The following CSMD1 variants were observed in gnomAD, a reference collection of about 807,000 sequenced individuals.
CSMD1 encodes CUB and sushi domain-containing protein 1.
A neutral mutation model predicts 417.5 loss-of-function variants in CSMD1; 213 were observed. The ratio of observed to expected loss-of-function variants is 0.51; its 90% CI spans 0.46 to 0.57. CSMD1 has a LOEUF of 0.57. Among genes scored for constraint, CSMD1 ranks in the 20% least tolerant of loss-of-function variants. The pLI, the probability that CSMD1 is intolerant of heterozygous loss-of-function variation, is 0.00. For missense variants in CSMD1, 6,923 were observed against 4,529.7 expected (o/e 1.53, Z -15.17); for synonymous variants, 2,862 against 1,736.8 (o/e 1.65, Z -16.11).
chr8:3,450,782 C>T (rs1815654438), intron 12 of CSMD1, among the ~76,000 whole-genome samples: 1 of 151,956 alleles, frequency 6.6e-6, no homozygotes, highest in Non-Finnish European at 1.5e-5. Context: ...CATACGTGTG[C>T]ATGTGTCTTT....
intron 5 of CSMD1, among the ~76,000 whole-genome samples, chr8:3,954,730 C>T (rs1001972139): frequency 2.0e-5 from 3 of 152,232 alleles, no homozygotes; most frequent in African/African-American, 4.8e-5. Context: ...TGCCCGCATG[C>T]GCAGAGCCCT....
intron 1 of CSMD1, among the ~76,000 whole-genome samples, chr8:4,860,803 C>T (rs1802085784): frequency 6.6e-6 from 1 of 152,090 alleles, no homozygotes; most frequent in African/African-American, 2.4e-5. Flanking sequence ...ATTGCAACTT[C>T]CTGTAATCAT....
chr8:3,390,157 C>T (rs1171214367), intron 17 of CSMD1, among the ~76,000 whole-genome samples: 3 of 151,860 alleles, frequency 2.0e-5, no homozygotes, highest in African/African-American at 2.4e-5. Context: ...GAGTTTGAGA[C>T]CAGCCTGGCC....
chr8:3,238,329 C>A (rs1372167234), intron 26 of CSMD1, among the ~76,000 whole-genome samples: 1 of 152,024 alleles, frequency 6.6e-6, no homozygotes, highest in Non-Finnish European at 1.5e-5. Context: ...TCAGTTAAGG[C>A]AGGAACTGGC....
intron 1 of CSMD1, among the ~76,000 whole-genome samples, chr8:4,823,983 G>GAC (rs1164932575): frequency 6.6e-6 from 1 of 151,216 alleles, no homozygotes; most frequent in African/African-American, 2.4e-5. Context: ...CCCACGCATG[G>GAC]ACACACACAT....
At chr8:3,447,155 G>C (rs1439964857) in intron 12 of CSMD1, among the ~76,000 whole-genome samples, 1 of 152,088 alleles carries the variant, frequency 6.6e-6, no homozygotes, top group Non-Finnish European at 1.5e-5. Flanking sequence ...AAGAGCCACG[G>C]GCACTGATGA....
intron 2 of CSMD1, among the ~76,000 whole-genome samples, 185 bp from the exon 3 acceptor site, chr8:4,420,250 A>G (rs761495760): frequency 2.0e-5 from 3 of 152,210 alleles, no homozygotes; most frequent in Non-Finnish European, 4.4e-5. Flanking sequence ...ATTTTCAAGT[A>G]TGAGAATATG....
chr8:4,552,320 T>C (rs116987077), intron 2 of CSMD1, among the ~76,000 whole-genome samples: 1,935 of 152,136 alleles, frequency 0.013, 25 homozygotes, highest in Non-Finnish European at 0.021. Flanking sequence ...ATCCCTACAC[T>C]CAAATCTCAC....
At chr8:3,612,302 T>A (rs7009344) in intron 8 of CSMD1, among the ~76,000 whole-genome samples, 34,772 of 151,994 alleles carry the variant, frequency 0.23, 4,174 homozygotes, top group Admixed American at 0.27. Flanking sequence ...TCAAAATACA[T>A]GAAGCAAAAA....
chr8:4,333,060 C>T (rs1005214256), intron 3 of CSMD1, among the ~76,000 whole-genome samples: 7 of 151,894 alleles, frequency 4.6e-5, no homozygotes, highest in African/African-American at 9.7e-5. Flanking sequence ...ATGTCAAGAG[C>T]GTTTCATAGA....
intron 5 of CSMD1, among the ~76,000 whole-genome samples, chr8:3,879,429 G>A (rs530279223): frequency 6.6e-4 from 101 of 152,252 alleles, no homozygotes; most frequent in Non-Finnish European, 2.4e-4. Context: ...AAATGAATCA[G>A]TCCGGTCATT....
At chr8:3,309,193 G>A (rs966113655) in intron 23 of CSMD1, among the ~76,000 whole-genome samples, 4 of 152,224 alleles carry the variant, frequency 2.6e-5, no homozygotes, top group Non-Finnish European at 5.9e-5. Context: ...AGGAAGAGGG[G>A]CCACCTATCG....
At chr8:4,279,530 G>C (rs1176941156) in intron 3 of CSMD1, among the ~76,000 whole-genome samples, 1 of 152,170 alleles carries the variant, frequency 6.6e-6, no homozygotes, top group African/African-American at 2.4e-5. Context: ...AGTGTGGTTA[G>C]TGCAACTTTA....
At chr8:4,947,698 T>G (rs1808462253) in intron 1 of CSMD1, among the ~76,000 whole-genome samples, 1 of 152,146 alleles carries the variant, frequency 6.6e-6, no homozygotes, top group South Asian at 2.1e-4. Context: ...AAATTCATCA[T>G]AAATATATTT....
intron 2 of CSMD1, among the ~76,000 whole-genome samples, chr8:4,618,851 G>A (rs1287400858): frequency 6.6e-6 from 1 of 152,138 alleles, no homozygotes; most frequent in East Asian, 1.9e-4. Context: ...CTTTTAATGT[G>A]TGGTATATGA....
At chr8:4,539,102 T>G (rs1354458545) in intron 2 of CSMD1, among the ~76,000 whole-genome samples, 1 of 152,230 alleles carries the variant, frequency 6.6e-6, no homozygotes, top group Non-Finnish European at 1.5e-5. Context: ...TGTTACATAA[T>G]GACCTTTAGC....
chr8:4,631,496 A>G (rs1477997902), intron 2 of CSMD1, among the ~76,000 whole-genome samples: 3 of 151,766 alleles, frequency 2.0e-5, no homozygotes, highest in Non-Finnish European at 4.4e-5. Context: ...AGGCAATGCT[A>G]GGTCTCTAGT....
At chr8:4,111,196 T>C (rs897747099) in intron 3 of CSMD1, among the ~76,000 whole-genome samples, 5 of 152,156 alleles carry the variant, frequency 3.3e-5, no homozygotes, top group African/African-American at 7.2e-5. Flanking sequence ...TTTGTTGATA[T>C]TTGTGTTATG....
rs181158133 is a variant in CSMD1 at position 3,731,614 on chromosome 8, C to T, written c.931+22316G>A. Among the ~76,000 whole-genome samples, 503 of 152,078 alleles carry T rather than the reference C, an allele frequency of 3.3e-3. 5 individuals are homozygous for T. The highest frequency in any genetic ancestry group is 0.012 in the African/African-American group (490 of 41,468). On this transcript the variant is annotated intron_variant, in intron 6 of 69. Coordinates refer to ENST00000635120, the MANE Select transcript of CSMD1 (RefSeq NM_033225.6). ...GTGATATGAACTTTACCAACCAAGG[C>T]TAAAATGGAAAGGATGCACTGAAAG...
Sources: allele counts gnomAD v4.1 joint callset (sites outside exome capture counted in the v4.1 genomes callset), GRCh38; gene constraint gnomAD v4.1.1; transcripts MANE v1.5; gene names NCBI Gene and HGNC (gene_info 2026-07-23, HGNC 2026-07-21).